Variants in PRIM2 observed in about 807,000 individuals in gnomAD.
PRIM2 encodes the protein DNA primase subunit 2, also known as DNA primase large subunit.
PRIM2 carries 39 observed loss-of-function variants against 67.3 expected under a neutral mutation model. The observed-to-expected ratio is 0.58, with a 90% CI of 0.45 to 0.76. PRIM2 has a LOEUF of 0.76. PRIM2 is among the 30% of genes least tolerant of loss of function. PRIM2 has a pLI of 0.00. For missense variants in PRIM2, 398 were observed against 598.7 expected, an observed-to-expected ratio of 0.66 and a Z score of 3.50; for synonymous variants, 143 against 198.7, an observed-to-expected ratio of 0.72 and a Z score of 2.36.
chr6:57,453,481 C>A (rs1772633867), intron 7 of PRIM2, among the ~76,000 whole-genome samples: 1 of 152,054 alleles, frequency 6.6e-6, no homozygotes, highest in Non-Finnish European at 1.5e-5. Flanking sequence ...GTTTGTAGTT[C>A]TCCTTGAAGA....
At chr6:57,542,932 T>C (rs1324913624) in intron 10 of PRIM2, among the ~76,000 whole-genome samples, 1 of 117,182 alleles carries the variant, frequency 8.5e-6, no homozygotes, top group Non-Finnish European at 1.8e-5. Flanking sequence ...AAAATACTGC[T>C]TATAGGATTT....
At chr6:57,341,792 G>A (rs1474700728) in intron 5 of PRIM2, among the ~76,000 whole-genome samples, 1 of 152,212 alleles carries the variant, frequency 6.6e-6, no homozygotes, top group Non-Finnish European at 1.5e-5. Context: ...TGCTGCCTAA[G>A]TCAGGTGCTG....
chr6:57,354,500 A>ATAAAC (rs1440829552), intron 5 of PRIM2, among the ~76,000 whole-genome samples: 2 of 151,938 alleles, frequency 1.3e-5, no homozygotes, highest in Non-Finnish European at 2.9e-5. Context: ...ATTCTAACTG[A>ATAAAC]TAAACTCACC....
chr6:57,603,851 C>A (rs1450988576), intron 11 of PRIM2, among the ~76,000 whole-genome samples: 6 of 152,084 alleles, frequency 3.9e-5, no homozygotes, highest in Admixed American at 2.0e-4. Flanking sequence ...TCTCTGATTT[C>A]TTTCAGCAGC....
chr6:57,457,853 A>G (rs1772858189), intron 7 of PRIM2, among the ~76,000 whole-genome samples: 1 of 152,198 alleles, frequency 6.6e-6, no homozygotes, highest in Non-Finnish European at 1.5e-5. Context: ...TTGGAAACGC[A>G]GAAATCACCC....
At chr6:57,227,382 G>A in the PRIM2 span, among the ~76,000 whole-genome samples, 1 of 152,156 alleles carries the variant, frequency 6.6e-6, no homozygotes, top group South Asian at 2.1e-4. Context: ...AGTGGCTCAC[G>A]CCTGTAATCC....
At chr6:57,263,587 A>C in the PRIM2 span, among the ~76,000 whole-genome samples, 1 of 152,304 alleles carries the variant, frequency 6.6e-6, no homozygotes, top group South Asian at 2.1e-4. Context: ...ACTTGATTAT[A>C]TCTGCAAAGG....
the PRIM2 span, among the ~76,000 whole-genome samples, chr6:57,233,622 T>C: frequency 3.8e-3 from 215 of 56,930 alleles, 2 homozygotes; most frequent in African/African-American, 0.011. Context: ...CCCTCCCTCC[T>C]TCCCTTTCCT....
chr6:57,406,384 T>C (rs1455043529), intron 7 of PRIM2, among the ~76,000 whole-genome samples: 2 of 152,198 alleles, frequency 1.3e-5, no homozygotes, highest in Admixed American at 6.5e-5. Flanking sequence ...GTTTAGGAAT[T>C]TGTCAAGGAG....
upstream of PRIM2, chr6:57,317,507 C>T (rs536557435): frequency 2.6e-5 from 4 of 152,778 alleles, no homozygotes; most frequent in East Asian, 5.8e-4. Context: ...GACGGAACAC[C>T]TTGAATTCCC....
intron 5 of PRIM2, among the ~76,000 whole-genome samples, chr6:57,352,668 C>T (rs1168052612): frequency 2.6e-5 from 4 of 152,104 alleles, no homozygotes; most frequent in African/African-American, 4.8e-5. Context: ...TTGAATTTGA[C>T]ACATTTCTTC....
intron 10 of PRIM2, among the ~76,000 whole-genome samples, chr6:57,550,614 C>G (rs1291793735): frequency 9.9e-5 from 15 of 152,008 alleles, no homozygotes; most frequent in Non-Finnish European, 2.2e-4. Context: ...GACTTCAACT[C>G]TGTTATTCAT....
At chr6:57,273,849 AG>A in the PRIM2 span, among the ~76,000 whole-genome samples, 3,294 of 152,338 alleles carry the variant, frequency 0.022, 55 homozygotes, top group Non-Finnish European at 0.036. Flanking sequence ...TCTAACAGAC[AG>A]GTACCTCAGC....
intron 5 of PRIM2, among the ~76,000 whole-genome samples, chr6:57,363,651 C>T (rs7748584): frequency 0.56 from 85,182 of 151,902 alleles, 24,474 homozygotes; most frequent in African/African-American, 0.7. Flanking sequence ...GAAGGTAAGA[C>T]AGCCACCCTG....
intron 10 of PRIM2, among the ~76,000 whole-genome samples, chr6:57,600,239 G>A (rs1355984182): frequency 6.6e-6 from 1 of 152,058 alleles, no homozygotes; most frequent in Non-Finnish European, 1.5e-5. Context: ...CTTGTTTTAT[G>A]AACATGGAGG....
intron 7 of PRIM2, among the ~76,000 whole-genome samples, chr6:57,462,900 G>A (rs1773054134): frequency 6.6e-6 from 1 of 152,334 alleles, no homozygotes; most frequent in South Asian, 2.1e-4. Flanking sequence ...TCGTAGAGAA[G>A]CTGAGAGCTG....
chr6:57,459,428 C>T (rs1226483763), intron 7 of PRIM2, among the ~76,000 whole-genome samples: 3 of 152,132 alleles, frequency 2.0e-5, no homozygotes, highest in Non-Finnish European at 4.4e-5. Flanking sequence ...ATTTTTAGCC[C>T]AAATTTAAGA....
intron 10 of PRIM2, among the ~76,000 whole-genome samples, chr6:57,569,686 C>A (rs1222025221): frequency 6.6e-6 from 1 of 151,918 alleles, no homozygotes; most frequent in African/African-American, 2.4e-5. Context: ...GGTTTATAAT[C>A]TGCCTATGAA....
At chr6:57,593,358 A>C (rs1418806538) in intron 10 of PRIM2, among the ~76,000 whole-genome samples, 1 of 151,218 alleles carries the variant, frequency 6.6e-6, no homozygotes, top group Non-Finnish European at 1.5e-5. Context: ...GCTGGAGTGC[A>C]ATGGCGCAAT....
Sources: gnomAD v4.1 joint callset for allele counts (sites outside exome capture counted in the v4.1 genomes callset) on GRCh38, gnomAD v4.1.1 for gene constraint, MANE v1.5 for transcripts, NCBI Gene and HGNC (gene_info 2026-07-23, HGNC 2026-07-21) for gene names.